ADAM19: variants seen among roughly 807,000 people sequenced by gnomAD.
The protein encoded by ADAM19 is ADAM metallopeptidase domain 19, also known as disintegrin and metalloproteinase domain-containing protein 19.
In ADAM19, 65 loss-of-function variants were observed where a neutral mutation model predicts 114.7. The observed-to-expected ratio is 0.57, with a 90% confidence interval of 0.46 to 0.70. The LOEUF (loss-of-function observed/expected upper bound fraction) is 0.70, where lower values mean the gene tolerates loss of function less well. ADAM19 is among the 30% of genes least tolerant of loss of function. The pLI is 0.00. For missense variants in ADAM19, 1,063 were observed against 1,204.7 expected, an observed-to-expected ratio of 0.88 and a Z score of 1.74; for synonymous variants, 466 against 460.5, an observed-to-expected ratio of 1.01 and a Z score of -0.15.
intron 3 of ADAM19, among the ~76,000 whole-genome samples, chr5:157,540,805 T>G (rs907612973): frequency 2.6e-5 from 4 of 152,202 alleles, no homozygotes; most frequent in African/African-American, 9.7e-5. Flanking sequence ...TACAGTAGTT[T>G]AATGTTTTAC....
intron 11 of ADAM19, 37 bp from the exon 12 acceptor site, chr5:157,503,017 G>A (rs1374749760): frequency 3.8e-6 from 6 of 1,594,344 alleles, no homozygotes; most frequent in South Asian, 1.1e-5. Context: ...TGGGGAGTTT[G>A]AGCATCTAGC....
At chr5:157,506,026 G>A (rs951185023) in intron 10 of ADAM19, among the ~76,000 whole-genome samples, 2 of 152,200 alleles carry the variant, frequency 1.3e-5, no homozygotes, top group East Asian at 3.9e-4. Context: ...AGTTCTCAAA[G>A]GTTGCAGACC....
At chr5:157,506,191 T>C (rs561791369) in intron 10 of ADAM19, among the ~76,000 whole-genome samples, 1 of 152,282 alleles carries the variant, frequency 6.6e-6, no homozygotes, top group Admixed American at 6.5e-5. Flanking sequence ...ACATAGGGTG[T>C]ACTTGGCTTA....
intron 2 of ADAM19, chr5:157,568,273 C>T (rs986985945): frequency 6.6e-6 from 1 of 152,228 alleles, no homozygotes; most frequent in African/African-American, 2.4e-5. Context: ...CATGCCCCGC[C>T]AGGAGTAGTA....
Position 157,526,720 on chromosome 5 carries a change from A to C in ADAM19, c.407+4087T>G, listed in dbSNP as rs1213669624. On this transcript the variant is annotated intron_variant, in intron 5 of 22. Coordinates refer to ENST00000257527, the MANE Select transcript of ADAM19 (RefSeq NM_033274.5). ...ACTGCAACCTCTGCCTCCCGGGTTC[A>C]AACGGTTCTCCTGCCTCAGCCTCCC... 7.2e-5 allele frequency among the ~76,000 whole-genome samples: 11 copies of C among 151,770 alleles called. No homozygotes were observed. The South Asian group carries it at 1.9e-3, about 26-fold the overall frequency.
chr5:157,516,231 T>C (rs529757639), intron 7 of ADAM19, among the ~76,000 whole-genome samples: 37 of 152,306 alleles, frequency 2.4e-4, no homozygotes, highest in African/African-American at 8.4e-4. Context: ...AAATGAATCA[T>C]TCAAAGCCTT....
At position 157,489,165 on chromosome 5, in the gene ADAM19, C is replaced by A. The variant is rs963496545; in HGVS notation, c.2262G>T (p.Gln754His). The A allele has an allele frequency of 2.5e-6, 4 of 1,614,012 alleles. No homozygotes were observed. In the Admixed American group the frequency reaches 5.0e-5, roughly 20 times the overall value. Residue 754 changes from glutamine to histidine, a missense_variant, in exon 20 of 23, where the codon CAG becomes CAT. Physicochemically the swap from Gln to His is conservative, Grantham distance 24 (BLOSUM62 0). This residue lies in a region of ADAM19 where 424 missense variants were observed against 445.5 expected (regional missense o/e 0.95). Transcript: ENST00000257527. ...QQFSCPFRVS[Q>H]NSGTGHANPT... is the part of the protein sequence containing the mutation. ...GGTTGGCATGACCAGTCCCGCTGTT[C>A]TGAGAAACCCTGAAGGGACAACTAG...
intron 2 of ADAM19, among the ~76,000 whole-genome samples, chr5:157,566,938 T>C (rs1757680989): frequency 6.6e-6 from 1 of 152,196 alleles, no homozygotes; most frequent in East Asian, 1.9e-4. Flanking sequence ...TCCCAAAGTG[T>C]TGGTATTACA....
At chr5:157,560,933 T>C (rs1757492380) in intron 3 of ADAM19, among the ~76,000 whole-genome samples, 1 of 152,250 alleles carries the variant, frequency 6.6e-6, no homozygotes, top group African/African-American at 2.4e-5. Context: ...CCTTCACCTG[T>C]ACCATCTCAT....
chr5:157,525,242 T>C (rs1021985237), intron 5 of ADAM19, among the ~76,000 whole-genome samples: 2 of 152,124 alleles, frequency 1.3e-5, no homozygotes, highest in Non-Finnish European at 2.9e-5. Context: ...GCATTTATGA[T>C]CCATTCTGCA....
At chr5:157,571,762 G>C (rs906894898) in intron 1 of ADAM19, among the ~76,000 whole-genome samples, 2 of 152,158 alleles carry the variant, frequency 1.3e-5, no homozygotes, top group African/African-American at 4.8e-5. Flanking sequence ...AGATTAGAAT[G>C]ACATCAGTGG....
intron 7 of ADAM19, 134 bp downstream of exon 7, chr5:157,518,689 T>G: frequency 3.5e-5 from 30 of 849,660 alleles, no homozygotes; most frequent in Non-Finnish European, 5.5e-5. Flanking sequence ...CAGCCTTTGG[T>G]GAGATTTAAG....
intron 3 of ADAM19, among the ~76,000 whole-genome samples, chr5:157,551,348 G>A (rs913344906): frequency 1.2e-4 from 17 of 144,516 alleles, no homozygotes; most frequent in African/African-American, 4.4e-4. Context: ...TGGCTGCAAT[G>A]AGCTGAGATT....
intron 5 of ADAM19, among the ~76,000 whole-genome samples, chr5:157,527,370 C>G (rs1756496018): frequency 6.6e-6 from 1 of 152,180 alleles, no homozygotes. Context: ...ACCACCACGC[C>G]TGACTAATTT....
intron 3 of ADAM19, among the ~76,000 whole-genome samples, chr5:157,556,498 C>A (rs190524814): frequency 6.6e-6 from 1 of 152,074 alleles, no homozygotes; most frequent in Admixed American, 6.5e-5. Context: ...GGATTACAGG[C>A]GTGAGCCACC....
At chr5:157,516,671 G>GA (rs1756098765) in intron 7 of ADAM19, among the ~76,000 whole-genome samples, 1 of 152,106 alleles carries the variant, frequency 6.6e-6, no homozygotes, top group Non-Finnish European at 1.5e-5. Context: ...TTCTGTAGCT[G>GA]AAAAAAATGA....
chr5:157,526,624 AT>A (rs34746765), intron 5 of ADAM19, among the ~76,000 whole-genome samples: 13,797 of 145,326 alleles, frequency 0.095, 788 homozygotes, highest in South Asian at 0.18. Flanking sequence ...TATTGGTGTC[AT>A]TTTTTTTTTT....
chr5:157,509,205 A>G, intron 9 of ADAM19, 96 bp downstream of exon 9: 2 of 1,341,038 alleles, frequency 1.5e-6, no homozygotes, highest in South Asian at 1.6e-5. Flanking sequence ...GCCTTGTACA[A>G]CCAACACTCG....
chr5:157,514,475 C>T (rs985019208), intron 7 of ADAM19, among the ~76,000 whole-genome samples: 3 of 151,820 alleles, frequency 2.0e-5, no homozygotes, highest in African/African-American at 7.3e-5. Context: ...TACAGGTGCT[C>T]GCCACCATGG....
Sources: allele counts gnomAD v4.1 joint callset (sites outside exome capture counted in the v4.1 genomes callset), GRCh38; gene constraint gnomAD v4.1.1; regional missense constraint gnomAD v4.1.1; transcripts MANE v1.5; gene names NCBI Gene and HGNC (gene_info 2026-07-23, HGNC 2026-07-21).